COL5A1: variants seen among roughly 807,000 people sequenced by gnomAD.
COL5A1 encodes the protein collagen type V alpha 1 chain, also known as collagen alpha-1(V) chain.
COL5A1 carries 16 observed loss-of-function variants against 263.7 expected under a neutral mutation model. The ratio of observed to expected loss-of-function variants is 0.06; its 90% confidence interval spans 0.04 to 0.09. COL5A1 has a LOEUF of 0.09. COL5A1 is among the 10% of genes least tolerant of loss of function. COL5A1 has a pLI of 1.00. For synonymous variants in COL5A1, 1,012 were observed against 1,004.5 expected (o/e 1.01, Z -0.14); for missense variants, 2,036 against 2,540.5 (o/e 0.80, Z 4.27).
chr9:134,797,805 A>G (rs1353594104), intron 36 of COL5A1, among the ~76,000 whole-genome samples: 3 of 152,080 alleles, frequency 2.0e-5, no homozygotes, highest in Non-Finnish European at 2.9e-5. Context: ...CTTTCATTTT[A>G]TAAGGACACC....
chr9:134,785,597 G>A (rs1239543753), intron 30 of COL5A1, among the ~76,000 whole-genome samples: 1 of 152,208 alleles, frequency 6.6e-6, no homozygotes, highest in East Asian at 1.9e-4. Context: ...TCCACCCTGG[G>A]CTCAGGCAGG....
intron 64 of COL5A1, 138 bp downstream of exon 64, chr9:134,830,182 T>C (rs762698019): frequency 2.5e-6 from 4 of 1,607,696 alleles, no homozygotes; most frequent in Non-Finnish European, 3.4e-6. Flanking sequence ...CCCTGGTAAG[T>C]GGCCACCTCG....
intron 43 of COL5A1, 129 bp from the exon 44 acceptor site, chr9:134,810,126 G>A (rs931906273): frequency 4.6e-5 from 44 of 953,406 alleles, no homozygotes; most frequent in Non-Finnish European, 6.9e-5. Context: ...ACATTTATTC[G>A]TAGGAAAGTT....
At position 134,759,689 on chromosome 9, in the gene COL5A1, T is replaced by TGC. The variant is rs1564438499; in HGVS notation, c.1935+1393_1935+1394insGC. ...GCACACCCCCACACCCCCACACTCA[T>TGC]ACACATATGCACACATGCACACACC... On this transcript the variant is annotated intron_variant, in intron 18 of 65. Transcript: ENST00000371817. Among the ~76,000 whole-genome samples, 161 of 41,934 alleles carry TGC rather than the reference T, an allele frequency of 3.8e-3. 2 individuals carry two copies. The highest frequency in any genetic ancestry group is 9.9e-3 in the African/African-American group (80 of 8,078). The allele number at this position is 41,934 out of a possible 152,430, so 27.5% of individuals were successfully genotyped here.
At chr9:134,770,132 C>A (rs1182921517) in intron 25 of COL5A1, among the ~76,000 whole-genome samples, 1 of 152,198 alleles carries the variant, frequency 6.6e-6, no homozygotes, top group African/African-American at 2.4e-5. Context: ...CCAAAGACAG[C>A]CCCAGCCATC....
chr9:134,800,171 A>C (rs1281634092), intron 37 of COL5A1, among the ~76,000 whole-genome samples: 1 of 152,238 alleles, frequency 6.6e-6, no homozygotes, highest in Non-Finnish European at 1.5e-5. Context: ...CAAAGGGCTA[A>C]GGTCATATTC....
In COL5A1 at chr9:134,680,538, G is replaced by A. The variant is rs182178201; in HGVS notation, c.110-10374G>A. ...GAGGGCGGAGCTGGCATCCTGACTA[G>A]CCCTGGTCAGTTCCAAACTGCTGCT... On this transcript the variant is annotated intron_variant, in intron 1 of 65. Transcript: ENST00000371817. This position sits in a 1 kb window ranked among gnomAD's most constrained non-coding sequence, Gnocchi z 5.9. Among the ~76,000 whole-genome samples, 1 of 152,362 alleles carries A rather than the reference G, an allele frequency of 6.6e-6. No individual in the cohort carries two copies. Among genetic ancestry groups the A allele is most frequent in the East Asian group, 1.9e-4 (1 of 5,188 alleles).
At position 134,819,187 on chromosome 9, in the gene COL5A1, A is replaced by C. The variant is rs9696591; in HGVS notation, c.4446+134A>C. On this transcript the variant is annotated intron_variant, in intron 57 of 65. Coordinates refer to ENST00000371817, the MANE Select transcript of COL5A1 (RefSeq NM_000093.5). ...ACCTGCTGCAGGCTGGTGGTGGGGA[A>C]CCTGAGGGGTGACAAAGGAAAATAG... 0.022 allele frequency: 21,724 copies of C among 972,566 alleles called. 1,026 individuals are homozygous for C. Among genetic ancestry groups the C allele is most frequent in the African/African-American group, 0.14 (8,730 of 62,044 alleles). 60.2% of individuals were successfully genotyped at this position (972,566 alleles called of 1,614,324 possible).
chr9:134,717,436 G>A (rs762631897), intron 4 of COL5A1, among the ~76,000 whole-genome samples: 2 of 152,206 alleles, frequency 1.3e-5, no homozygotes, highest in Non-Finnish European at 2.9e-5. Context: ...ATGGTTTAAC[G>A]TGGTTTGCGA....
intron 26 of COL5A1, 136 bp downstream of exon 26, chr9:134,772,970 C>A: frequency 1.1e-6 from 1 of 937,714 alleles, no homozygotes; most frequent in Non-Finnish European, 1.7e-6. Flanking sequence ...CCTCAGGTGT[C>A]TCCGCCAAGG....
intron 1 of COL5A1, among the ~76,000 whole-genome samples, chr9:134,667,757 T>C (rs1832404321): frequency 6.6e-6 from 1 of 152,242 alleles, no homozygotes; most frequent in Admixed American, 6.5e-5. Context: ...CAGACAGTCA[T>C]GGGAGGGGGT....
In COL5A1 at chr9:134,818,078, C is replaced by T. The variant is rs562683857; in HGVS notation, c.4230+247C>T. Among the ~76,000 whole-genome samples, 2 of 152,302 alleles carry T rather than the reference C, an allele frequency of 1.3e-5. No homozygotes were observed. Among genetic ancestry groups the T allele is most frequent in the South Asian group, 2.1e-4 (1 of 4,826 alleles). On this transcript the variant is annotated intron_variant, in intron 54 of 65. Coordinates refer to ENST00000371817, the MANE Select transcript of COL5A1 (RefSeq NM_000093.5). This position sits in a 1 kb window ranked among gnomAD's most constrained non-coding sequence, Gnocchi z 6.0. ...TGAGGGAGGAGGCGGGTGGTGGGTGCGGGATTCAGGGAGCCCAAGGCTGAG... is the reference window on the plus strand; with the variant it reads ...TGAGGGAGGAGGCGGGTGGTGGGTGTGGGATTCAGGGAGCCCAAGGCTGAG...
chr9:134,774,946 G>C (rs1588534712), intron 27 of COL5A1, 34 bp downstream of exon 27: 2 of 1,604,110 alleles, frequency 1.2e-6, no homozygotes, highest in Non-Finnish European at 1.7e-6. Flanking sequence ...AGGTCGTCCT[G>C]GAGGTCAGGG....
At chr9:134,749,512 C>G (rs974024669) in intron 11 of COL5A1, among the ~76,000 whole-genome samples, 10 of 152,230 alleles carry the variant, frequency 6.6e-5, no homozygotes, top group East Asian at 5.8e-4. Flanking sequence ...GCTCCACAGC[C>G]TTCTGGATAG....
At chr9:134,775,848 G>A (rs1282631419) in intron 27 of COL5A1, among the ~76,000 whole-genome samples, 1 of 152,168 alleles carries the variant, frequency 6.6e-6, no homozygotes, top group Non-Finnish European at 1.5e-5. Context: ...AGGGCTTTAT[G>A]CTTTTCAAAC....
Position 134,758,408 on chromosome 9 carries a change from C to G in COL5A1, c.1935+112C>G. On this transcript the variant is annotated intron_variant, in intron 18 of 65. Coordinates refer to ENST00000371817, the MANE Select transcript of COL5A1 (RefSeq NM_000093.5). This position sits in a 1 kb window ranked among gnomAD's most constrained non-coding sequence, Gnocchi z 4.1. ...GATTTCCTGTGGGGTCAGGTCTCCG[C>G]CATTCCAACAGTCAGTATACAAACC... The G allele has an allele frequency of 9.4e-7, 1 of 1,063,980 alleles. No individual in the cohort carries two copies. The highest frequency in any genetic ancestry group is 1.4e-6 in the Non-Finnish European group (1 of 695,976). The allele number at this position is 1,063,980 out of a possible 1,614,324, so 65.9% of individuals were successfully genotyped here.
intron 1 of COL5A1, among the ~76,000 whole-genome samples, chr9:134,668,866 TCCATTCATCCATCCATCTAC>T (rs545388199): frequency 6.6e-6 from 1 of 151,934 alleles, no homozygotes; most frequent in East Asian, 1.9e-4. Context: ...CATCTATGTA[TCCATTCATCCATCCATCTAC>T]CCATTCATCC....
At chr9:134,761,877 T>C (rs752012521) in intron 18 of COL5A1, 48 bp from the exon 19 acceptor site, 2 of 1,592,950 alleles carry the variant, frequency 1.3e-6, no homozygotes, top group East Asian at 2.2e-5. Context: ...GGACAAGCCC[T>C]GCATGACCTG....
At chr9:134,674,782 G>A (rs1832641380) in intron 1 of COL5A1, among the ~76,000 whole-genome samples, 1 of 152,128 alleles carries the variant, frequency 6.6e-6, no homozygotes, top group South Asian at 2.1e-4. Flanking sequence ...TTGGGAAGCT[G>A]AGGCAGGAGA....
Sources: allele counts gnomAD v4.1 joint callset (sites outside exome capture counted in the v4.1 genomes callset), GRCh38; gene constraint gnomAD v4.1.1; non-coding constraint Gnocchi (gnomAD v3.1); transcripts MANE v1.5; gene names NCBI Gene and HGNC (gene_info 2026-07-23, HGNC 2026-07-21).